Variants in PPP2R2B observed in about 807,000 individuals in gnomAD.
PPP2R2B encodes protein phosphatase 2 regulatory subunit Bbeta, also known as serine/threonine-protein phosphatase 2A 55 kDa regulatory subunit B beta isoform.
Under a neutral mutation model 46.0 loss-of-function variants are expected in PPP2R2B, and 5 were observed. That is an observed-to-expected ratio of 0.11 (90% confidence interval 0.06 to 0.23). The LOEUF is 0.23. Ranked by LOEUF, PPP2R2B falls within the 10% of genes least tolerant of loss-of-function variation. The pLI, the probability that PPP2R2B is intolerant of heterozygous loss-of-function variation, is 1.00. For missense variants in PPP2R2B, 367 were observed against 575.0 expected (o/e 0.64, Z 3.70); for synonymous variants, 215 against 206.7 (o/e 1.04, Z -0.34).
intron 2 of PPP2R2B, among the ~76,000 whole-genome samples, chr5:147,066,700 T>C (rs1035729101): frequency 6.6e-6 from 1 of 152,204 alleles, no homozygotes; most frequent in African/African-American, 2.4e-5. Context: ...ATGGCCCCTG[T>C]CTTAATGCCT....
At chr5:147,064,580 G>C (rs1456493568) in intron 2 of PPP2R2B, among the ~76,000 whole-genome samples, 2 of 152,134 alleles carry the variant, frequency 1.3e-5, no homozygotes, top group Non-Finnish European at 2.9e-5. Flanking sequence ...ATAATATTTT[G>C]ATTAGAATAA....
intron 2 of PPP2R2B, among the ~76,000 whole-genome samples, chr5:146,827,038 A>G (rs1039877619): frequency 1.1e-4 from 17 of 152,176 alleles, no homozygotes; most frequent in Non-Finnish European, 8.8e-5. Context: ...AAACTGCTTA[A>G]GTTTCTGCTT....
Position 146,812,791 on chromosome 5 carries a change from GTGTATATATA to G in PPP2R2B, c.70+65201_70+65210del, listed in dbSNP as rs1273790789. Among the ~76,000 whole-genome samples the G allele has an allele frequency of 1.0e-3, 10 of 9,946 alleles. 1 individual carries two copies. The South Asian group carries it at 0.051, about 51-fold the overall frequency. 6.5% of individuals were successfully genotyped at this position (9,946 alleles called of 152,430 possible). ...TTAATGTGTGTGTGTGTGTATATGT[GTGTATATATA>G]TATATATATATATATATATATATAT... On this transcript the variant is annotated intron_variant, in intron 2 of 9. Coordinates refer to ENST00000394411, the MANE Select transcript of PPP2R2B (RefSeq NM_181675.4).
chr5:146,723,648 CCA>C (rs958535691), intron 2 of PPP2R2B, among the ~76,000 whole-genome samples: 1 of 152,090 alleles, frequency 6.6e-6, no homozygotes, highest in African/African-American at 2.4e-5. Context: ...CCTCCTTGCC[CCA>C]GTTTTCATTG....
chr5:146,779,975 A>G (rs1229661170), intron 2 of PPP2R2B, among the ~76,000 whole-genome samples: 1 of 152,196 alleles, frequency 6.6e-6, no homozygotes, highest in African/African-American at 2.4e-5. Flanking sequence ...CTGGACACTA[A>G]ATTAGGTAGC....
chr5:146,852,537 C>T (rs763610499), intron 2 of PPP2R2B, among the ~76,000 whole-genome samples: 4 of 152,120 alleles, frequency 2.6e-5, no homozygotes, highest in Non-Finnish European at 5.9e-5. Flanking sequence ...CCTCTAGAAT[C>T]GAACTATGAT....
intron 2 of PPP2R2B, among the ~76,000 whole-genome samples, chr5:146,846,144 C>G (rs529757975): frequency 6.6e-6 from 1 of 152,126 alleles, no homozygotes; most frequent in African/African-American, 2.4e-5. Context: ...CTTTGGGAGG[C>G]TGAGGTGAGT....
chr5:146,951,655 C>T (rs1174296403), intron 1 of PPP2R2B, among the ~76,000 whole-genome samples: 1 of 151,966 alleles, frequency 6.6e-6, no homozygotes, highest in African/African-American at 2.4e-5. Flanking sequence ...ATAATGAGTC[C>T]AAGCTTCATC....
At chr5:146,958,376 C>T (rs565900139) in intron 1 of PPP2R2B, among the ~76,000 whole-genome samples, 2 of 152,240 alleles carry the variant, frequency 1.3e-5, no homozygotes, top group African/African-American at 4.8e-5. Flanking sequence ...AGTAGATCTG[C>T]CTCCATGAGC....
intron 2 of PPP2R2B, among the ~76,000 whole-genome samples, chr5:146,826,678 A>C (rs1235677032): frequency 6.6e-6 from 1 of 152,192 alleles, no homozygotes; most frequent in Non-Finnish European, 1.5e-5. Context: ...CAGCAACTTT[A>C]ATAATTACAC....
At chr5:146,723,173 A>G (rs1325173336) in intron 2 of PPP2R2B, among the ~76,000 whole-genome samples, 1 of 152,318 alleles carries the variant, frequency 6.6e-6, no homozygotes, top group East Asian at 1.9e-4. Context: ...GGTTACCACT[A>G]TATTCCCAGT....
intron 3 of PPP2R2B, among the ~76,000 whole-genome samples, chr5:146,698,553 G>T (rs1279169394): frequency 6.6e-6 from 1 of 151,490 alleles, no homozygotes; most frequent in Admixed American, 6.6e-5. Context: ...TACTTACATC[G>T]ACCCCTTAAA....
chr5:146,892,623 T>G (rs1294000241), intron 1 of PPP2R2B, among the ~76,000 whole-genome samples: 1 of 152,208 alleles, frequency 6.6e-6, no homozygotes, highest in East Asian at 1.9e-4. Flanking sequence ...TTCTAACTTA[T>G]GGTTCCTCAC....
intron 2 of PPP2R2B, among the ~76,000 whole-genome samples, chr5:146,818,232 A>G (rs1758047575): frequency 6.6e-6 from 1 of 152,158 alleles, no homozygotes; most frequent in Non-Finnish European, 1.5e-5. Flanking sequence ...AGCTGTCTTG[A>G]TAGCTGCTGT....
rs988760047 is a variant in PPP2R2B at position 146,706,458 on chromosome 5, G to T, written c.71-5316C>A. On this transcript the variant is annotated intron_variant, in intron 2 of 9. Coordinates refer to ENST00000394411, the MANE Select transcript of PPP2R2B (RefSeq NM_181675.4). ...TCCATCTTCCAGCAGCTTCCTGTAG[G>T]TGGCGATCTCGATGTCCAGGGTCAG... The T allele has an allele frequency of 1.5e-5, 17 of 1,103,760 alleles. No homozygotes were observed. In the South Asian group the frequency reaches 2.1e-4, roughly 14 times the overall value. 68.4% of individuals were successfully genotyped at this position (1,103,760 alleles called of 1,614,324 possible).
chr5:146,625,099 A>T (rs1460939682), intron 7 of PPP2R2B, among the ~76,000 whole-genome samples: 1 of 152,248 alleles, frequency 6.6e-6, no homozygotes, highest in Non-Finnish European at 1.5e-5. Flanking sequence ...AATAAGTAGC[A>T]GTTGATTACC....
chr5:147,000,419 C>G (rs1754117492), intron 1 of PPP2R2B, among the ~76,000 whole-genome samples: 1 of 152,120 alleles, frequency 6.6e-6, no homozygotes, highest in Non-Finnish European at 1.5e-5. Context: ...CTCCCTTGTT[C>G]CTGCTCCTGT....
In PPP2R2B at chr5:146,896,580, AAAG is replaced by A. The variant is rs1423228053; in HGVS notation, c.79+159082_79+159084del. ...CAGTCACCAGGATGATTTTTCTCTC[AAAG>A]AAGCTATTCAGTTTGAAATGCCCTG... On this transcript the variant is annotated intron_variant, in intron 1 of 8. Coordinates refer to the PPP2R2B transcript ENST00000336640. Among the ~76,000 whole-genome samples the A allele has an allele frequency of 2.0e-5, 3 of 152,332 alleles. No homozygotes were observed. In the East Asian group the frequency reaches 5.8e-4, roughly 29 times the overall value.
intron 2 of PPP2R2B, among the ~76,000 whole-genome samples, chr5:146,872,230 G>A (rs189731230): frequency 3.6e-4 from 55 of 152,272 alleles, no homozygotes; most frequent in Admixed American, 1.3e-3. Context: ...ATACTTGCTA[G>A]TGATTTTCAA....
Sources: allele counts gnomAD v4.1 joint callset (sites outside exome capture counted in the v4.1 genomes callset), GRCh38; gene constraint gnomAD v4.1.1; transcripts MANE v1.5; gene names NCBI Gene and HGNC (gene_info 2026-07-23, HGNC 2026-07-21).